KHDRBS2: variants seen among roughly 807,000 people sequenced by gnomAD.
KHDRBS2 encodes the protein KH domain-containing, RNA-binding, signal transduction-associated protein 2.
In KHDRBS2, 26 loss-of-function variants were observed where a neutral mutation model predicts 44.3. The observed-to-expected ratio is 0.59, with a 90% CI of 0.43 to 0.81. The LOEUF (loss-of-function observed/expected upper bound fraction) is 0.81, where lower values mean the gene tolerates loss of function less well. Ranked by LOEUF, KHDRBS2 falls within the 40% of genes least tolerant of loss-of-function variation. KHDRBS2 has a pLI of 0.00. For missense variants in KHDRBS2, 476 were observed against 433.1 expected (o/e 1.10, Z -0.88); for synonymous variants, 194 against 151.1 (o/e 1.28, Z -2.08).
At chr6:61,696,118 A>G (rs750129865) in intron 8 of KHDRBS2, among the ~76,000 whole-genome samples, 2 of 151,972 alleles carry the variant, frequency 1.3e-5, no homozygotes, top group African/African-American at 2.4e-5. Context: ...AGTAGCTAGG[A>G]CTACAGTCAT....
intron 6 of KHDRBS2, among the ~76,000 whole-genome samples, chr6:61,734,520 C>T (rs1775012603): frequency 6.6e-6 from 1 of 151,848 alleles, no homozygotes; most frequent in South Asian, 2.1e-4. Flanking sequence ...TTGTCATTTT[C>T]TATTGGCTGT....
In KHDRBS2 at chr6:61,732,633, T is replaced by A. The variant is rs1012038352; in HGVS notation, c.893+49A>T. On this transcript the variant is annotated intron_variant, in intron 7 of 8. Transcript: ENST00000281156. ...GACATTCAGATTCAAGAAACAAAAT[T>A]GATTAGAGATAATCCTGAGAAGGCT... 3.8e-6 allele frequency: 4 copies of A among 1,051,872 alleles called. No individual in the cohort carries two copies. In the Admixed American group the frequency reaches 5.6e-5, roughly 15 times the overall value. The allele number at this position is 1,051,872 out of a possible 1,614,324, so 65.2% of individuals were successfully genotyped here. A position where few individuals can be genotyped will look rare whatever the true frequency, so the allele number is the denominator to read the frequency against.
chr6:62,249,737 A>G (rs1836215684), intron 1 of KHDRBS2, among the ~76,000 whole-genome samples: 1 of 152,062 alleles, frequency 6.6e-6, no homozygotes, highest in African/African-American at 2.4e-5. Flanking sequence ...ATTTCTCTAT[A>G]AAAGCACTCT....
At position 61,848,607 on chromosome 6, in the gene KHDRBS2, C is replaced by T. The variant is rs1430055848; in HGVS notation, c.810+46028G>A. ...TATATATATATACTTTTTTTTAACTCGATTCCAGGCTTTTTTCATATGTCC... is the reference window on the plus strand; with the variant it reads ...TATATATATATACTTTTTTTTAACTTGATTCCAGGCTTTTTTCATATGTCC... On this transcript the variant is annotated intron_variant, in intron 6 of 8. Coordinates refer to ENST00000281156, the MANE Select transcript of KHDRBS2 (RefSeq NM_152688.4). Among the ~76,000 whole-genome samples, 13 of 119,486 alleles carry T rather than the reference C, an allele frequency of 1.1e-4. No homozygotes were observed. In the East Asian group the frequency reaches 2.5e-3, roughly 23 times the overall value. The allele number at this position is 119,486 out of a possible 152,430, so 78.4% of individuals were successfully genotyped here.
At chr6:61,599,014 A>G in the KHDRBS2 span, among the ~76,000 whole-genome samples, 1 of 151,488 alleles carries the variant, frequency 6.6e-6, no homozygotes, top group Non-Finnish European at 1.5e-5. Context: ...GCTCACTGCA[A>G]CCTCCACCTC....
At chr6:61,923,333 T>G (rs962965327) in intron 4 of KHDRBS2, among the ~76,000 whole-genome samples, 1 of 151,932 alleles carries the variant, frequency 6.6e-6, no homozygotes, top group Non-Finnish European at 1.5e-5. Flanking sequence ...AAAAGTATAG[T>G]AATGGACTAT....
chr6:61,607,397 G>GA, the KHDRBS2 span, among the ~76,000 whole-genome samples: 1 of 149,802 alleles, frequency 6.7e-6, no homozygotes, highest in African/African-American at 2.5e-5. Flanking sequence ...AACATCAAGA[G>GA]AAAAAATTAG....
chr6:62,154,954 A>C (rs189916778), intron 2 of KHDRBS2, among the ~76,000 whole-genome samples: 3 of 152,348 alleles, frequency 2.0e-5, no homozygotes, highest in Admixed American at 6.5e-5. Flanking sequence ...GAAATACTGA[A>C]GGGTCTTCCA....
At chr6:62,206,282 A>C (rs763448352) in intron 1 of KHDRBS2, among the ~76,000 whole-genome samples, 3 of 152,120 alleles carry the variant, frequency 2.0e-5, no homozygotes, top group African/African-American at 7.2e-5. Context: ...GTTTATGCAC[A>C]AACAGGTCAT....
At chr6:61,901,041 T>A (rs1166520921) in intron 5 of KHDRBS2, among the ~76,000 whole-genome samples, 1 of 152,208 alleles carries the variant, frequency 6.6e-6, no homozygotes, top group Non-Finnish European at 1.5e-5. Context: ...AGATGCTATT[T>A]ATCTCCTAGT....
At chr6:62,162,521 A>AT (rs1817862179) in intron 2 of KHDRBS2, among the ~76,000 whole-genome samples, 1 of 151,988 alleles carries the variant, frequency 6.6e-6, no homozygotes, top group Admixed American at 6.6e-5. Flanking sequence ...TTGCCAGGGG[A>AT]TAATGGTTGG....
chr6:61,989,165 A>AAT (rs943400758), intron 3 of KHDRBS2, among the ~76,000 whole-genome samples: 19 of 152,116 alleles, frequency 1.2e-4, no homozygotes, highest in Non-Finnish European at 1.3e-4. Flanking sequence ...CTCCTTTTGA[A>AAT]ATATATATAA....
chr6:61,841,402 C>T (rs1793587151), intron 6 of KHDRBS2, among the ~76,000 whole-genome samples: 1 of 151,884 alleles, frequency 6.6e-6, no homozygotes, highest in African/African-American at 2.4e-5. Context: ...ACATTTATAA[C>T]ATAAAATAAT....
intron 3 of KHDRBS2, among the ~76,000 whole-genome samples, chr6:61,980,848 A>C (rs1210304106): frequency 6.6e-6 from 1 of 152,206 alleles, no homozygotes; most frequent in East Asian, 1.9e-4. Context: ...AGCCAGTTTC[A>C]GCCAGCTTAT....
chr6:62,209,484 CAT>C (rs1828641435), intron 1 of KHDRBS2, among the ~76,000 whole-genome samples: 1 of 152,220 alleles, frequency 6.6e-6, no homozygotes, highest in South Asian at 2.1e-4. Flanking sequence ...TCAACACACA[CAT>C]ACCCGTCACT....
At chr6:61,636,008 T>A in the KHDRBS2 span, among the ~76,000 whole-genome samples, 4 of 152,076 alleles carry the variant, frequency 2.6e-5, no homozygotes, top group South Asian at 8.3e-4. Context: ...AATTATAGAG[T>A]TAACTTTTTC....
the KHDRBS2 span, among the ~76,000 whole-genome samples, chr6:61,544,187 T>C: frequency 6.6e-6 from 1 of 152,072 alleles, no homozygotes; most frequent in Non-Finnish European, 1.5e-5. Context: ...TATTATGCAT[T>C]GTATGCCTGT....
At chr6:61,548,838 AC>A in the KHDRBS2 span, among the ~76,000 whole-genome samples, 21 of 152,226 alleles carry the variant, frequency 1.4e-4, 2 homozygotes, top group South Asian at 4.4e-3. Flanking sequence ...ATTAATATCA[AC>A]CTAGACCAGG....
At chr6:61,835,995 C>T (rs768440453) in intron 6 of KHDRBS2, among the ~76,000 whole-genome samples, 3 of 151,876 alleles carry the variant, frequency 2.0e-5, no homozygotes, top group East Asian at 3.9e-4. Flanking sequence ...CTTAATACAC[C>T]GTCTATGTCA....
Sources: gnomAD v4.1 joint callset for allele counts (sites outside exome capture counted in the v4.1 genomes callset) on GRCh38, gnomAD v4.1.1 for gene constraint, MANE v1.5 for transcripts, NCBI Gene and HGNC (gene_info 2026-07-23, HGNC 2026-07-21) for gene names.